The following GPC5 variants were observed in gnomAD, a reference collection of about 807,000 sequenced individuals.
GPC5 encodes the protein glypican 5, also known as glypican-5.
Under a neutral mutation model 53.9 loss-of-function variants are expected in GPC5, and 47 were observed. The observed-to-expected ratio is 0.87, with a 90% confidence interval of 0.69 to 1.11. GPC5 has a LOEUF of 1.11. Ranked by LOEUF, GPC5 falls within the 50% of genes most tolerant of loss-of-function variation. The pLI, the probability that GPC5 is intolerant of heterozygous loss-of-function variation, is 0.00. For synonymous variants in GPC5, 286 were observed against 263.3 expected, an observed-to-expected ratio of 1.09 and a Z score of -0.84; for missense variants, 748 against 713.1, an observed-to-expected ratio of 1.05 and a Z score of -0.56.
chr13:92,187,513 C>G (rs1394033728), intron 7 of GPC5, among the ~76,000 whole-genome samples: 1 of 152,112 alleles, frequency 6.6e-6, no homozygotes, highest in Non-Finnish European at 1.5e-5. Flanking sequence ...CCCTGTATTT[C>G]CATACTGGAT....
At chr13:91,814,873 C>T (rs1350522527) in intron 5 of GPC5, among the ~76,000 whole-genome samples, 3 of 152,118 alleles carry the variant, frequency 2.0e-5, no homozygotes, top group Admixed American at 2.0e-4. Context: ...TGCTGTTATA[C>T]ATGAGAGTAG....
At chr13:92,114,100 A>T (rs776094314) in intron 6 of GPC5, among the ~76,000 whole-genome samples, 11 of 152,200 alleles carry the variant, frequency 7.2e-5, no homozygotes, top group Non-Finnish European at 1.6e-4. Context: ...TGGAAAACAA[A>T]TGTTTCCAAA....
At chr13:92,627,566 G>A (rs1885087803) in intron 7 of GPC5, among the ~76,000 whole-genome samples, 1 of 152,110 alleles carries the variant, frequency 6.6e-6, no homozygotes, top group African/African-American at 2.4e-5. Context: ...CATATTTACT[G>A]TAATTCATAA....
At chr13:92,611,930 C>G (rs1043168473) in intron 7 of GPC5, among the ~76,000 whole-genome samples, 29 of 152,016 alleles carry the variant, frequency 1.9e-4, no homozygotes, top group Admixed American at 5.3e-4. Flanking sequence ...AAAGAATCAA[C>G]CATGAAAATT....
intron 7 of GPC5, among the ~76,000 whole-genome samples, chr13:92,650,270 G>T (rs1307136237): frequency 6.6e-6 from 1 of 151,960 alleles, no homozygotes; most frequent in Non-Finnish European, 1.5e-5. Flanking sequence ...AGGATAACAA[G>T]TGAAACAGCA....
chr13:92,834,457 C>G (rs1289928362), intron 7 of GPC5, among the ~76,000 whole-genome samples: 1 of 152,094 alleles, frequency 6.6e-6, no homozygotes, highest in African/African-American at 2.4e-5. Flanking sequence ...AAGTTACTCA[C>G]AAGCATCAGT....
At chr13:92,089,840 G>C (rs2041365448) in intron 6 of GPC5, among the ~76,000 whole-genome samples, 2 of 152,074 alleles carry the variant, frequency 1.3e-5, no homozygotes, top group African/African-American at 4.8e-5. Context: ...AGAGATAAAT[G>C]TACTTGGCTC....
chr13:91,925,089 G>T (rs2039754447), intron 6 of GPC5, among the ~76,000 whole-genome samples: 1 of 152,274 alleles, frequency 6.6e-6, no homozygotes, highest in Admixed American at 6.5e-5. Context: ...AAAGTGCCGG[G>T]ATTACAGGCG....
chr13:92,722,173 C>T (rs1037281449), intron 7 of GPC5, among the ~76,000 whole-genome samples: 1 of 152,050 alleles, frequency 6.6e-6, no homozygotes, highest in Admixed American at 6.6e-5. Context: ...AGGATGTAAG[C>T]TCATTTCAAA....
At chr13:91,544,712 C>G (rs1233057933) in intron 2 of GPC5, among the ~76,000 whole-genome samples, 2 of 152,148 alleles carry the variant, frequency 1.3e-5, no homozygotes, top group African/African-American at 2.4e-5. Context: ...CAACACTGTT[C>G]TAGTTATCTG....
At chr13:92,762,825 C>A (rs145051204) in intron 7 of GPC5, among the ~76,000 whole-genome samples, 6 of 151,744 alleles carry the variant, frequency 4.0e-5, no homozygotes, top group Non-Finnish European at 7.4e-5. Context: ...GTTAGAGATT[C>A]TTTCTTCTTT....
At chr13:91,404,488 A>G (rs1235325583) in intron 1 of GPC5, among the ~76,000 whole-genome samples, 1 of 152,248 alleles carries the variant, frequency 6.6e-6, no homozygotes, top group Non-Finnish European at 1.5e-5. Context: ...TTTCTTTTAT[A>G]AAGTCCTGAC....
intron 7 of GPC5, among the ~76,000 whole-genome samples, chr13:92,737,918 C>G (rs1281037984): frequency 6.6e-6 from 1 of 151,504 alleles, no homozygotes; most frequent in African/African-American, 2.4e-5. Flanking sequence ...AGGCATGTGT[C>G]ACCATGCCTG....
chr13:91,720,896 C>T (rs1475770759), intron 3 of GPC5, among the ~76,000 whole-genome samples: 2 of 152,072 alleles, frequency 1.3e-5, no homozygotes, highest in African/African-American at 2.4e-5. Flanking sequence ...ATAAATAGAT[C>T]CAGATAGATA....
chr13:92,120,904 A>C (rs949040980), intron 6 of GPC5, among the ~76,000 whole-genome samples: 2 of 152,114 alleles, frequency 1.3e-5, no homozygotes, highest in African/African-American at 4.8e-5. Flanking sequence ...TTGCCTTTTC[A>C]ATTCTTCTTG....
intron 2 of GPC5, among the ~76,000 whole-genome samples, chr13:91,501,836 G>T (rs1443687314): frequency 1.3e-5 from 2 of 152,164 alleles, no homozygotes; most frequent in South Asian, 2.1e-4. Flanking sequence ...CTTCCACAAT[G>T]GTTGAACTAG....
chr13:92,799,475 GT>G (rs1001883647), intron 7 of GPC5, among the ~76,000 whole-genome samples: 2 of 151,754 alleles, frequency 1.3e-5, no homozygotes, highest in African/African-American at 4.8e-5. Flanking sequence ...GTAAGAAATG[GT>G]GCATGTGGCA....
intron 7 of GPC5, among the ~76,000 whole-genome samples, chr13:92,794,725 T>A (rs1328129150): frequency 2.0e-5 from 3 of 152,052 alleles, no homozygotes; most frequent in Non-Finnish European, 4.4e-5. Flanking sequence ...TCACAAGCAT[T>A]CCTATACACC....
chr13:91,881,086 C>T lies in GPC5; in HGVS notation c.1281-26851C>T, dbSNP rs557743418. Among the ~76,000 whole-genome samples the T allele has an allele frequency of 1.1e-4, 16 of 152,130 alleles. No individual in the cohort carries two copies. In the South Asian group the frequency reaches 1.9e-3, roughly 18 times the overall value. On this transcript the variant is annotated intron_variant, in intron 5 of 7. Transcript: ENST00000377067. ...GATTACAGGGGTAAGCCACTGCACC[C>T]GGCCTATAGTAACTTTTTTTTAATA...
Sources: allele counts gnomAD v4.1 joint callset (sites outside exome capture counted in the v4.1 genomes callset), GRCh38; gene constraint gnomAD v4.1.1; transcripts MANE v1.5; gene names NCBI Gene and HGNC (gene_info 2026-07-23, HGNC 2026-07-21).